SPECC1: variants seen among roughly 807,000 people sequenced by gnomAD.
SPECC1 encodes cytospin-B.
SPECC1 carries 62 observed loss-of-function variants against 104.1 expected under a neutral mutation model. The ratio of observed to expected loss-of-function variants is 0.60; its 90% CI spans 0.49 to 0.74. SPECC1 has a LOEUF of 0.74. Ranked by LOEUF, SPECC1 falls within the 30% of genes least tolerant of loss-of-function variation. The probability of loss-of-function intolerance (pLI) is 0.00; values close to 1 mark genes in which losing one functional copy is unlikely to be tolerated. For missense variants in SPECC1, 1,306 were observed against 1,310.5 expected, an observed-to-expected ratio of 1.00 and a Z score of 0.05; for synonymous variants, 513 against 501.6, an observed-to-expected ratio of 1.02 and a Z score of -0.30.
intron 3 of SPECC1, among the ~76,000 whole-genome samples, chr17:20,131,000 T>A (rs1414426317): frequency 6.6e-6 from 1 of 152,256 alleles, no homozygotes; most frequent in African/African-American, 2.4e-5. Context: ...AATGATACTG[T>A]ATTTTTAATT....
At chr17:20,294,033 G>A (rs2041258830) in intron 12 of SPECC1, among the ~76,000 whole-genome samples, 1 of 152,154 alleles carries the variant, frequency 6.6e-6, no homozygotes, top group Non-Finnish European at 1.5e-5. Context: ...CTAGGCTGGA[G>A]TGCAGTGGTG....
intron 4 of SPECC1, among the ~76,000 whole-genome samples, chr17:20,214,868 T>C (rs1567949377): frequency 6.6e-6 from 1 of 152,156 alleles, no homozygotes; most frequent in Middle Eastern, 3.2e-3. Flanking sequence ...AGGTGACTGA[T>C]TTGATGTCAG....
chr17:20,166,115 CAG>C (rs1597862779), intron 3 of SPECC1, among the ~76,000 whole-genome samples: 2 of 152,180 alleles, frequency 1.3e-5, no homozygotes, highest in South Asian at 4.1e-4. Context: ...CAATACACCA[CAG>C]AGTGTCTTAA....
At chr17:20,223,408 G>T (rs2038010807) in intron 4 of SPECC1, among the ~76,000 whole-genome samples, 1 of 152,078 alleles carries the variant, frequency 6.6e-6, no homozygotes, top group African/African-American at 2.4e-5. Context: ...GGGTGCGGTG[G>T]CTCATGCCTG....
In SPECC1 at chr17:20,171,818, C is replaced by T. The variant is rs561729287; in HGVS notation, c.284-32515C>T. Reference sequence around the variant, plus strand: ...TACCAGCTTTGACTCTGGAGATGCTCTGGGGCTTCTTGATGGCTGTGGTCA... The same window carrying T: ...TACCAGCTTTGACTCTGGAGATGCTTTGGGGCTTCTTGATGGCTGTGGTCA... On this transcript the variant is annotated intron_variant, in intron 3 of 14. Coordinates refer to ENST00000395527, the MANE Select transcript of SPECC1 (RefSeq NM_001243439.2). 4.6e-5 allele frequency among the ~76,000 whole-genome samples: 7 copies of T among 152,298 alleles called. No individual in the cohort carries two copies. In the South Asian group the frequency reaches 1.5e-3, roughly 32 times the overall value.
At chr17:20,313,367 T>C (rs575098991) in intron 14 of SPECC1, among the ~76,000 whole-genome samples, 414 of 152,358 alleles carry the variant, frequency 2.7e-3, no homozygotes, top group Non-Finnish European at 5.0e-3. Context: ...CAGTAATTTA[T>C]CTTGAGGGAC....
rs56285234 is a variant in SPECC1 at position 20,099,511 on chromosome 17, CAA to C, written c.147+2740_147+2741del. Reference sequence around the variant, plus strand: ...AACATGGTGAAATCCTGTCTTTACCCAAAAAAAAAAAAAAAAAAAAAAAAAAA... The same window carrying C: ...AACATGGTGAAATCCTGTCTTTACCCAAAAAAAAAAAAAAAAAAAAAAAAA... On this transcript the variant is annotated intron_variant, in intron 2 of 14. Transcript: ENST00000395527. Among the ~76,000 whole-genome samples, 131 of 91,762 alleles carry C rather than the reference CAA, an allele frequency of 1.4e-3. 1 individual carries two copies. Among genetic ancestry groups the C allele is most frequent in the African/African-American group, 5.6e-3 (125 of 22,160 alleles). 60.2% of individuals were successfully genotyped at this position (91,762 alleles called of 152,430 possible). A position where few individuals can be genotyped will look rare whatever the true frequency, so the allele number is the denominator to read the frequency against.
At chr17:20,236,712 G>T in intron 7 of SPECC1, 4 of 665,750 alleles carry the variant, frequency 6.0e-6, no homozygotes, top group Non-Finnish European at 8.9e-6. Context: ...AATTGGAACA[G>T]TAGGACTTAA....
intron 3 of SPECC1, among the ~76,000 whole-genome samples, chr17:20,122,548 C>T (rs899261241): frequency 3.3e-5 from 5 of 152,312 alleles, no homozygotes; most frequent in Middle Eastern, 3.4e-3. Flanking sequence ...AGTTCATTCA[C>T]ATTGTTGTAC....
At chr17:20,246,646 T>C (rs1468297639) in intron 8 of SPECC1, among the ~76,000 whole-genome samples, 1 of 152,242 alleles carries the variant, frequency 6.6e-6, no homozygotes, top group Non-Finnish European at 1.5e-5. Flanking sequence ...TATCTTCCTA[T>C]ATGAGAAAGA....
At chr17:20,082,691 C>T (rs2047020397) in intron 1 of SPECC1, among the ~76,000 whole-genome samples, 1 of 152,132 alleles carries the variant, frequency 6.6e-6, no homozygotes, top group Non-Finnish European at 1.5e-5. Context: ...CTTATATGGA[C>T]ATCAGTCATA....
intron 11 of SPECC1, among the ~76,000 whole-genome samples, chr17:20,258,239 A>T (rs569182639): frequency 6.6e-6 from 1 of 152,238 alleles, no homozygotes; most frequent in African/African-American, 2.4e-5. Flanking sequence ...ACAGTGGTAT[A>T]TAAGGATTGA....
At chr17:20,206,620 A>T (rs1272296079) in intron 4 of SPECC1, among the ~76,000 whole-genome samples, 1 of 152,248 alleles carries the variant, frequency 6.6e-6, no homozygotes, top group Non-Finnish European at 1.5e-5. Flanking sequence ...TGTTGAACAT[A>T]CATGTATTGT....
At chr17:20,275,258 C>A (rs1276208308) in intron 12 of SPECC1, among the ~76,000 whole-genome samples, 22 of 152,062 alleles carry the variant, frequency 1.4e-4, no homozygotes. Context: ...TGTGGTTATT[C>A]TTTAATGTGA....
intron 4 of SPECC1, among the ~76,000 whole-genome samples, chr17:20,216,152 T>G (rs904443740): frequency 2.6e-5 from 4 of 152,136 alleles, no homozygotes; most frequent in African/African-American, 9.7e-5. Context: ...AACCCTACCC[T>G]TGGTCAAACC....
chr17:20,129,343 G>A (rs1452406094), intron 3 of SPECC1, among the ~76,000 whole-genome samples: 8 of 151,860 alleles, frequency 5.3e-5, no homozygotes, highest in Non-Finnish European at 8.8e-5. Context: ...CTGCCACCAC[G>A]CCCAGCTAAT....
intron 3 of SPECC1, among the ~76,000 whole-genome samples, chr17:20,166,971 G>C (rs1461658991): frequency 6.6e-6 from 1 of 151,896 alleles, no homozygotes; most frequent in Admixed American, 6.6e-5. Flanking sequence ...AATTAGCTGG[G>C]CATGGTGGCA....
intron 12 of SPECC1, among the ~76,000 whole-genome samples, chr17:20,262,265 T>C (rs1325403594): frequency 1.3e-5 from 2 of 152,224 alleles, no homozygotes; most frequent in Non-Finnish European, 2.9e-5. Context: ...CGCTGTTATG[T>C]TCTTGTGCGT....
chr17:20,112,177 A>G (rs2048527227), intron 3 of SPECC1: 1 of 763,672 alleles, frequency 1.3e-6, no homozygotes. Context: ...GCTGGCCCAC[A>G]TGTTTAAGGA....
Sources: allele counts gnomAD v4.1 joint callset (sites outside exome capture counted in the v4.1 genomes callset), GRCh38; gene constraint gnomAD v4.1.1; transcripts MANE v1.5; gene names NCBI Gene and HGNC (gene_info 2026-07-23, HGNC 2026-07-21).